GRID2: variants seen among roughly 807,000 people sequenced by gnomAD.
GRID2 encodes the protein glutamate ionotropic receptor delta type subunit 2.
In GRID2, 33 loss-of-function variants were observed where a neutral mutation model predicts 114.8. The observed-to-expected ratio is 0.29, with a 90% CI of 0.22 to 0.38. The LOEUF (loss-of-function observed/expected upper bound fraction) is 0.38, where lower values mean the gene tolerates loss of function less well. GRID2 is among the 10% of genes least tolerant of loss of function. The pLI, the probability that GRID2 is intolerant of heterozygous loss-of-function variation, is 1.00. For missense variants in GRID2, 1,184 were observed against 1,257.7 expected, an observed-to-expected ratio of 0.94 and a Z score of 0.89; for synonymous variants, 505 against 449.9, an observed-to-expected ratio of 1.12 and a Z score of -1.55.
chr4:93,459,180 C>CAAAAAA (rs57937928), intron 11 of GRID2, among the ~76,000 whole-genome samples: 8 of 50,038 alleles, frequency 1.6e-4, no homozygotes, highest in Non-Finnish European at 1.8e-4. Flanking sequence ...AACTCCATCT[C>CAAAAAA]AAAAAAAAAA....
chr4:93,149,467 T>C (rs1736547481), intron 4 of GRID2, among the ~76,000 whole-genome samples: 1 of 151,854 alleles, frequency 6.6e-6, no homozygotes, highest in African/African-American at 2.4e-5. Context: ...TCTCAGCTAC[T>C]TGGGAGGCTG....
intron 13 of GRID2, among the ~76,000 whole-genome samples, chr4:93,584,098 A>G (rs1737285160): frequency 6.6e-6 from 1 of 152,186 alleles, no homozygotes; most frequent in Non-Finnish European, 1.5e-5. Context: ...TTTCATAAAG[A>G]CACAACTGTT....
At chr4:93,048,115 C>G (rs1726335357) in intron 2 of GRID2, among the ~76,000 whole-genome samples, 1 of 152,006 alleles carries the variant, frequency 6.6e-6, no homozygotes, top group Non-Finnish European at 1.5e-5. Context: ...AGTTGCCCCA[C>G]TCAGGATGAC....
chr4:93,372,956 A>T (rs1763068016), intron 8 of GRID2, among the ~76,000 whole-genome samples: 1 of 151,992 alleles, frequency 6.6e-6, no homozygotes, highest in African/African-American at 2.4e-5. Flanking sequence ...TATCTATATT[A>T]CTCCTTTGCC....
At chr4:93,704,123 G>C (rs1727775390) in intron 14 of GRID2, among the ~76,000 whole-genome samples, 1 of 152,134 alleles carries the variant, frequency 6.6e-6, no homozygotes, top group Non-Finnish European at 1.5e-5. Flanking sequence ...CAGTGTAAAA[G>C]TGTTCCTATT....
At chr4:93,299,022 A>G (rs1409074859) in intron 8 of GRID2, among the ~76,000 whole-genome samples, 1 of 152,238 alleles carries the variant, frequency 6.6e-6, no homozygotes, top group Non-Finnish European at 1.5e-5. Flanking sequence ...AAGAGAAAAA[A>G]TGTAGTTATG....
chr4:93,617,788 C>G (rs1298289809), intron 13 of GRID2, among the ~76,000 whole-genome samples: 1 of 152,028 alleles, frequency 6.6e-6, no homozygotes, highest in Non-Finnish European at 1.5e-5. Flanking sequence ...ACACTTAAGC[C>G]TCAGCACTCA....
intron 2 of GRID2, among the ~76,000 whole-genome samples, chr4:92,702,169 G>A (rs770103232): frequency 5.3e-5 from 8 of 152,102 alleles, no homozygotes; most frequent in Non-Finnish European, 1.0e-4. Flanking sequence ...ATGAAAGGAC[G>A]AGAGAAACAG....
chr4:93,120,758 C>G (rs1319166797), intron 4 of GRID2, among the ~76,000 whole-genome samples: 1 of 152,006 alleles, frequency 6.6e-6, no homozygotes, highest in African/African-American at 2.4e-5. Context: ...TCGAGACCAT[C>G]CTGGCTAACA....
At chr4:92,729,416 CCTTA>C (rs1484156832) in intron 2 of GRID2, among the ~76,000 whole-genome samples, 3 of 151,796 alleles carry the variant, frequency 2.0e-5, no homozygotes, top group Non-Finnish European at 2.9e-5. Flanking sequence ...TGTTCACCAC[CCTTA>C]CTTTTAGTTT....
intron 2 of GRID2, among the ~76,000 whole-genome samples, chr4:92,677,613 T>G (rs1404832608): frequency 6.6e-6 from 1 of 152,124 alleles, no homozygotes; most frequent in Non-Finnish European, 1.5e-5. Flanking sequence ...TTACATTCCG[T>G]CTCAGTGGGT....
rs540728429 is a variant in GRID2 at position 92,729,000 on chromosome 4, C to T, written c.244+138714C>T. On this transcript the variant is annotated intron_variant, in intron 2 of 15. Transcript: ENST00000282020. Reference sequence around the variant, plus strand: ...ATTCCATAGTGCTTAGGATAATATACACCTCAACTAGGTATTCATTCTATA... The same window carrying T: ...ATTCCATAGTGCTTAGGATAATATATACCTCAACTAGGTATTCATTCTATA... 8.5e-4 allele frequency among the ~76,000 whole-genome samples: 129 copies of T among 151,888 alleles called. 1 individual carries two copies. Among genetic ancestry groups the T allele is most frequent in the Middle Eastern group, 3.4e-3 (1 of 294 alleles).
chr4:92,981,838 T>A (rs879315495), intron 2 of GRID2, among the ~76,000 whole-genome samples: 10 of 151,668 alleles, frequency 6.6e-5, no homozygotes, highest in Non-Finnish European at 1.5e-4. Context: ...TTATTTCCAT[T>A]TTAATTCTTT....
intron 1 of GRID2, among the ~76,000 whole-genome samples, chr4:92,412,577 C>A (rs1579318422): frequency 6.6e-6 from 1 of 152,052 alleles, no homozygotes; most frequent in Non-Finnish European, 1.5e-5. Flanking sequence ...AGAAACAAAT[C>A]ATTTTATATG....
intron 2 of GRID2, among the ~76,000 whole-genome samples, chr4:92,667,178 A>G (rs1732832264): frequency 6.6e-6 from 1 of 151,682 alleles, no homozygotes; most frequent in Admixed American, 6.6e-5. Context: ...ATAGCATTCT[A>G]AATAAGTTAC....
intron 2 of GRID2, among the ~76,000 whole-genome samples, chr4:92,776,847 C>A (rs1194503838): frequency 6.6e-6 from 1 of 151,762 alleles, no homozygotes; most frequent in African/African-American, 2.4e-5. Flanking sequence ...GGTAGTATAT[C>A]AGTATGCCCC....
intron 2 of GRID2, among the ~76,000 whole-genome samples, chr4:92,710,644 T>G (rs950812078): frequency 3.3e-5 from 5 of 152,284 alleles, no homozygotes; most frequent in African/African-American, 1.2e-4. Context: ...AAGCCAATGT[T>G]TTATTACTCT....
At chr4:92,921,475 G>C (rs548594618) in intron 2 of GRID2, among the ~76,000 whole-genome samples, 1 of 152,162 alleles carries the variant, frequency 6.6e-6, no homozygotes, top group South Asian at 2.1e-4. Flanking sequence ...CATCTTTGTG[G>C]TTTTATCTAC....
At chr4:92,693,594 T>C (rs1421835121) in intron 2 of GRID2, among the ~76,000 whole-genome samples, 1 of 152,192 alleles carries the variant, frequency 6.6e-6, no homozygotes, top group African/African-American at 2.4e-5. Flanking sequence ...ATGACTATAT[T>C]CCCATCTTAA....
Sources: gnomAD v4.1 joint callset for allele counts (sites outside exome capture counted in the v4.1 genomes callset) on GRCh38, gnomAD v4.1.1 for gene constraint, MANE v1.5 for transcripts, NCBI Gene and HGNC (gene_info 2026-07-23, HGNC 2026-07-21) for gene names.